Variants in CFAP77 observed in about 807,000 individuals in gnomAD.
CFAP77 encodes the protein cilia and flagella associated protein 77.
A neutral mutation model predicts 31.1 loss-of-function variants in CFAP77; 25 were observed. The ratio of observed to expected loss-of-function variants is 0.80; its 90% CI spans 0.59 to 1.12. The LOEUF (loss-of-function observed/expected upper bound fraction) is 1.12. Ranked by LOEUF, CFAP77 falls within the 50% of genes most tolerant of loss-of-function variation. CFAP77 has a pLI of 0.00. For synonymous variants in CFAP77, 151 were observed against 159.9 expected (o/e 0.94, Z 0.42); for missense variants, 377 against 397.3 (o/e 0.95, Z 0.44).
rs1043913788 is a variant in CFAP77, at chr9:132,545,648, G to A, written c.732+2601G>A. Among the ~76,000 whole-genome samples the A allele has an allele frequency of 3.3e-5, 5 of 152,210 alleles. No individual in the cohort carries two copies. Among genetic ancestry groups the A allele is most frequent in the African/African-American group, 1.2e-4 (5 of 41,444 alleles). ...CCCAGCAGAGACCCTTAGACACACAGAGTGCTGCCGTTATGGGTGTCACAC... is the reference window on the plus strand; with the variant it reads ...CCCAGCAGAGACCCTTAGACACACAAAGTGCTGCCGTTATGGGTGTCACAC... On this transcript the variant is annotated intron_variant, in intron 5 of 5. Transcript: ENST00000393216. This position sits in a 1 kb window ranked among gnomAD's most constrained non-coding sequence, Gnocchi z 4.6.
chr9:132,559,341 T>C (rs1411783354), intron 5 of CFAP77, among the ~76,000 whole-genome samples: 2 of 30,862 alleles, frequency 6.5e-5, no homozygotes, highest in Non-Finnish European at 1.2e-4. Flanking sequence ...TGAGACTCTG[T>C]CTTGCAAAAA....
rs1359815279 is a variant in CFAP77, at chr9:132,481,166, G to GT, written c.196-17528dup. On this transcript the variant is annotated intron_variant, in intron 1 of 5. Transcript: ENST00000393216. The surrounding 1 kb of genome is among the most constrained non-coding windows in gnomAD (Gnocchi z 5.0). ...ATGGATACGACAGAGCCTGGGGACT[G>GT]TAAGACCCCAAGCTACTGCTGCCCT... Among the ~76,000 whole-genome samples, 1 of 152,142 alleles carries GT rather than the reference G, an allele frequency of 6.6e-6. No individual in the cohort carries two copies. The highest frequency in any genetic ancestry group is 1.5e-5 in the Non-Finnish European group (1 of 68,026).
chr9:132,535,696 C>T (rs898324056), intron 3 of CFAP77, among the ~76,000 whole-genome samples: 2 of 150,136 alleles, frequency 1.3e-5, no homozygotes, highest in South Asian at 2.1e-4. Context: ...TGGGTGGCAG[C>T]GTGAGACTCC....
intron 5 of CFAP77, among the ~76,000 whole-genome samples, chr9:132,547,809 G>A (rs1172695776): frequency 6.6e-6 from 1 of 152,166 alleles, no homozygotes; most frequent in Non-Finnish European, 1.5e-5. Context: ...ACCCTGCGTG[G>A]GCCGGCCCAC....
chr9:132,505,859 G>A (rs751356978), intron 3 of CFAP77, among the ~76,000 whole-genome samples: 8 of 151,928 alleles, frequency 5.3e-5, no homozygotes, highest in Non-Finnish European at 7.4e-5. Flanking sequence ...TGGTGTAGAC[G>A]GATTGTCTCG....
chr9:132,475,478 GC>G (rs771496678), intron 1 of CFAP77, among the ~76,000 whole-genome samples: 3 of 152,200 alleles, frequency 2.0e-5, no homozygotes, highest in Non-Finnish European at 4.4e-5. Flanking sequence ...GGGATGCAGA[GC>G]CCACTTTGGG....
At chr9:132,542,733 C>T (rs1393842676) in intron 4 of CFAP77, among the ~76,000 whole-genome samples, 3 of 152,136 alleles carry the variant, frequency 2.0e-5, no homozygotes, top group Non-Finnish European at 4.4e-5. Context: ...GGGTCCCACC[C>T]CCCCTCCCCC....
intron 1 of CFAP77, among the ~76,000 whole-genome samples, chr9:132,441,055 T>G (rs954752095): frequency 6.6e-6 from 1 of 152,176 alleles, no homozygotes; most frequent in African/African-American, 2.4e-5. Flanking sequence ...CCTCTTACTC[T>G]CTTTTCCTCC....
intron 1 of CFAP77, among the ~76,000 whole-genome samples, chr9:132,423,671 C>T (rs1176203104): frequency 6.6e-6 from 1 of 152,226 alleles, no homozygotes. Context: ...ACATCAGTGG[C>T]CATCACTGGT....
At chr9:132,465,836 A>G (rs1589866929) in intron 1 of CFAP77, among the ~76,000 whole-genome samples, 1 of 152,270 alleles carries the variant, frequency 6.6e-6, no homozygotes, top group Non-Finnish European at 1.5e-5. Flanking sequence ...GCTTTTAGAA[A>G]CAAACAGGAT....
chr9:132,486,088 ATATTTTTTT>A (rs1851550300), intron 1 of CFAP77, among the ~76,000 whole-genome samples: 1 of 28,524 alleles, frequency 3.5e-5, no homozygotes, highest in Non-Finnish European at 4.8e-5. Flanking sequence ...ATATATATAT[ATATTTTTTT>A]TTTTTTTTTT....
At chr9:132,421,061 G>T (rs1030190142) in intron 1 of CFAP77, among the ~76,000 whole-genome samples, 2 of 144,918 alleles carry the variant, frequency 1.4e-5, no homozygotes, top group African/African-American at 5.2e-5. Flanking sequence ...AGGCTGGAGT[G>T]CAGTGGTGTG....
At position 132,564,638 on chromosome 9, in the gene CFAP77, T is replaced by G. The variant is rs1829862590; in HGVS notation, c.733-7750T>G. Reference sequence around the variant, plus strand: ...ATGCTGTGTTATATAAATGCTAATATTGGAGAAAAAAAGAAAGATGAAAGG... The same window carrying G: ...ATGCTGTGTTATATAAATGCTAATAGTGGAGAAAAAAAGAAAGATGAAAGG... On this transcript the variant is annotated intron_variant, in intron 5 of 5. Transcript: ENST00000393216. The surrounding 1 kb of genome is among the most constrained non-coding windows in gnomAD (Gnocchi z 4.6). Among the ~76,000 whole-genome samples the G allele has an allele frequency of 6.6e-6, 1 of 152,016 alleles. No individual in the cohort carries two copies. The highest frequency in any genetic ancestry group is 1.5e-5 in the Non-Finnish European group (1 of 68,004).
At position 132,499,493 on chromosome 9, in the gene CFAP77, G is replaced by T. The variant is rs1351033290; in HGVS notation, c.417G>T (p.Leu139Phe). 5 of 1,614,200 alleles carry T rather than the reference G, an allele frequency of 3.1e-6. No individual in the cohort carries two copies. In the African/African-American group the frequency reaches 5.3e-5, roughly 17 times the overall value. ...KAGLVTAREN[L>F]LYRQLNDIRI... ...GCCTGGTGACTGCCCGGGAGAACTTGCTCTACCGTCAGCTCAATGACATCC... is the reference window on the plus strand; with the variant it reads ...GCCTGGTGACTGCCCGGGAGAACTTTCTCTACCGTCAGCTCAATGACATCC... Residue 139 changes from leucine to phenylalanine, a missense_variant, in exon 3 of 6, where the codon TTG becomes TTT. Transcript: ENST00000393216. The surrounding 1 kb of genome is among the most constrained non-coding windows in gnomAD (Gnocchi z 5.4).
At chr9:132,415,717 G>C (rs1361686130) in intron 1 of CFAP77, among the ~76,000 whole-genome samples, 1 of 152,084 alleles carries the variant, frequency 6.6e-6, no homozygotes, top group Non-Finnish European at 1.5e-5. Context: ...GTATAATTCT[G>C]CCTGCTTGTT....
At chr9:132,505,514 G>A (rs1306448543) in intron 3 of CFAP77, among the ~76,000 whole-genome samples, 1 of 151,964 alleles carries the variant, frequency 6.6e-6, no homozygotes, top group Non-Finnish European at 1.5e-5. Flanking sequence ...CAGACTGGGG[G>A]CCGTGTAGAC....
intron 3 of CFAP77, among the ~76,000 whole-genome samples, chr9:132,516,258 A>C (rs1018720671): frequency 2.0e-5 from 3 of 152,204 alleles, no homozygotes; most frequent in African/African-American, 7.2e-5. Context: ...GGCCAAACTA[A>C]GCATGTCTGC....
intron 1 of CFAP77, among the ~76,000 whole-genome samples, chr9:132,445,979 A>G (rs937816326): frequency 2.6e-5 from 4 of 152,002 alleles, no homozygotes; most frequent in Admixed American, 6.6e-5. Flanking sequence ...CCAACTGGGC[A>G]GGGTGCATTG....
chr9:132,452,837 T>C (rs759823809), intron 1 of CFAP77, among the ~76,000 whole-genome samples: 6 of 152,296 alleles, frequency 3.9e-5, no homozygotes, highest in Non-Finnish European at 4.4e-5. Context: ...GGAACATTTA[T>C]TGGACCTGAG....
Sources: gnomAD v4.1 joint callset for allele counts (sites outside exome capture counted in the v4.1 genomes callset) on GRCh38, gnomAD v4.1.1 for gene constraint, Gnocchi (gnomAD v3.1) non-coding constraint, MANE v1.5 for transcripts, NCBI Gene and HGNC (gene_info 2026-07-23, HGNC 2026-07-21) for gene names.